NTRK2: variants seen among roughly 807,000 people sequenced by gnomAD.
The protein encoded by NTRK2 is BDNF/NT-3 growth factors receptor.
In NTRK2, 13 loss-of-function variants were observed where a neutral mutation model predicts 94.5. The observed-to-expected ratio is 0.14, with a 90% CI of 0.09 to 0.22. The LOEUF is 0.22. NTRK2 is among the 10% of genes least tolerant of loss of function. The pLI, the probability that NTRK2 is intolerant of heterozygous loss-of-function variation, is 1.00. For missense variants in NTRK2, 639 were observed against 1,071.2 expected (o/e 0.60, Z 5.63); for synonymous variants, 372 against 407.4 (o/e 0.91, Z 1.05).
chr9:84,787,963 A>G (rs2068295105), intron 12 of NTRK2, among the ~76,000 whole-genome samples: 1 of 152,128 alleles, frequency 6.6e-6, no homozygotes, highest in Non-Finnish European at 1.5e-5. Context: ...TCAGTTTCGC[A>G]CCTCTAAAAG....
intron 14 of NTRK2, among the ~76,000 whole-genome samples, chr9:84,894,168 GAATATATTTTTATAA>G (rs1279025052): frequency 0.05 from 7,523 of 150,448 alleles, 444 homozygotes; most frequent in East Asian, 0.18. Context: ...CTATTTGGGA[GAATATATTTTTATAA>G]CACATTGAAT....
intron 17 of NTRK2, among the ~76,000 whole-genome samples, chr9:85,010,084 A>G (rs1831395907): frequency 6.6e-6 from 1 of 152,240 alleles, no homozygotes; most frequent in African/African-American, 2.4e-5. Context: ...GCAGGACAGC[A>G]GTCATCACCA....
intron 17 of NTRK2, among the ~76,000 whole-genome samples, chr9:84,962,087 C>T (rs1208382528): frequency 1.3e-5 from 2 of 152,106 alleles, no homozygotes; most frequent in African/African-American, 4.8e-5. Flanking sequence ...TGGACTTGAT[C>T]CTTTGGCAGT....
At chr9:84,833,197 A>T (rs888623678) in intron 12 of NTRK2, among the ~76,000 whole-genome samples, 1 of 152,116 alleles carries the variant, frequency 6.6e-6, no homozygotes, top group East Asian at 1.9e-4. Flanking sequence ...TCTGACAGCC[A>T]TTGTTCTGTG....
At chr9:84,789,942 T>C (rs1303183575) in intron 12 of NTRK2, among the ~76,000 whole-genome samples, 1 of 152,192 alleles carries the variant, frequency 6.6e-6, no homozygotes, top group Non-Finnish European at 1.5e-5. Context: ...GGGCAATACA[T>C]TTGCCTTTTA....
chr9:84,766,775 A>G (rs2066071992), intron 12 of NTRK2, among the ~76,000 whole-genome samples: 1 of 152,034 alleles, frequency 6.6e-6, no homozygotes, highest in Non-Finnish European at 1.5e-5. Flanking sequence ...CATTCAACAC[A>G]CAGATACATA....
chr9:84,856,904 G>T (rs541823576), intron 12 of NTRK2, among the ~76,000 whole-genome samples: 24 of 152,246 alleles, frequency 1.6e-4, no homozygotes, highest in East Asian at 1.2e-3. Context: ...AAAATATCCA[G>T]AAGCTGTTCT....
chr9:84,752,602 A>G (rs1234748827), intron 12 of NTRK2, among the ~76,000 whole-genome samples: 2 of 152,230 alleles, frequency 1.3e-5, no homozygotes, highest in East Asian at 1.9e-4. Context: ...TCGTGAATAC[A>G]TAGCTTTTTT....
intron 14 of NTRK2, among the ~76,000 whole-genome samples, chr9:84,894,029 G>T (rs183923671): frequency 6.6e-6 from 1 of 152,078 alleles, no homozygotes; most frequent in East Asian, 1.9e-4. Flanking sequence ...AATCCGGGGG[G>T]CGCGGACTGA....
intron 17 of NTRK2, among the ~76,000 whole-genome samples, chr9:85,015,384 AACAG>A (rs778437792): frequency 6.6e-6 from 1 of 152,230 alleles, no homozygotes; most frequent in Non-Finnish European, 1.5e-5. Context: ...TGTAGCATCA[AACAG>A]ATGAGACTGT....
intron 6 of NTRK2, among the ~76,000 whole-genome samples, chr9:84,722,250 G>C (rs976984792): frequency 1.2e-4 from 18 of 149,582 alleles, no homozygotes; most frequent in African/African-American, 4.0e-4. Flanking sequence ...AGTTTGGAAG[G>C]GGGGGTCTCA....
In NTRK2 at chr9:84,707,854, C is replaced by G. The variant is rs1229434307; in HGVS notation, c.370C>G (p.Arg124Gly). 8 of 1,612,208 alleles carry G rather than the reference C, an allele frequency of 5.0e-6. No homozygotes were observed. Among genetic ancestry groups the G allele is most frequent in the Non-Finnish European group, 5.9e-6 (7 of 1,178,844 alleles). Residue 124 changes from arginine (R) to glycine (G), a missense_variant, in exon 5 of 19, where the codon CGA becomes GGA. This residue lies in a region of NTRK2 where 206 missense variants were observed against 251.5 expected (regional missense o/e 0.82). Coordinates refer to ENST00000277120, the MANE Select transcript of NTRK2 (RefSeq NM_006180.6). Reference protein sequence around the residue: ...NSNLQHINFTRNKLTSLSRKH... With the variant: ...NSNLQHINFTGNKLTSLSRKH... ...TTTGATTCCTTTCAGCAATTTTACC[C>G]GAAACAAACTGACGAGTTTGTCTAG...
chr9:84,856,831 A>G (rs1252262767), intron 12 of NTRK2, among the ~76,000 whole-genome samples: 2 of 152,212 alleles, frequency 1.3e-5, no homozygotes, highest in African/African-American at 2.4e-5. Flanking sequence ...TAATTTCTTC[A>G]GCGTTAAAAG....
intron 17 of NTRK2, among the ~76,000 whole-genome samples, chr9:84,958,164 A>G (rs78971890): frequency 0.01 from 1,580 of 152,278 alleles, 21 homozygotes; most frequent in Non-Finnish European, 0.018. Context: ...CTAGAACTAT[A>G]TACAGTGGTG....
intron 12 of NTRK2, among the ~76,000 whole-genome samples, chr9:84,795,374 C>T (rs2069187750): frequency 6.6e-6 from 1 of 152,152 alleles, no homozygotes; most frequent in African/African-American, 2.4e-5. Context: ...CAGTCTTGGC[C>T]ACGTCTGTGC....
At chr9:84,730,782 G>GAAAAAAAA (rs1564145193) in intron 9 of NTRK2, among the ~76,000 whole-genome samples, 5 of 4,750 alleles carry the variant, frequency 1.1e-3, no homozygotes, top group Non-Finnish European at 1.4e-3. Flanking sequence ...TAAACAAATA[G>GAAAAAAAA]CAAAAAAAAA....
At chr9:84,724,410 T>C in intron 8 of NTRK2, 54 bp downstream of exon 8, 1 of 1,610,926 alleles carries the variant, frequency 6.2e-7, no homozygotes, top group Non-Finnish European at 8.5e-7. Context: ...TGGACGTACC[T>C]ACGTTTGTTG....
intron 2 of NTRK2, among the ~76,000 whole-genome samples, chr9:84,682,323 C>T (rs1197417302): frequency 6.6e-6 from 1 of 152,122 alleles, no homozygotes; most frequent in African/African-American, 2.4e-5. Flanking sequence ...TGGAATTTAG[C>T]TGGTAATTAT....
intron 14 of NTRK2, chr9:84,876,976 C>G: frequency 9.4e-7 from 1 of 1,060,954 alleles, no homozygotes; most frequent in African/African-American, 1.6e-5. Context: ...GGAAAACACT[C>G]ATTTTCTTAG....
Sources: gnomAD v4.1 joint callset for allele counts (sites outside exome capture counted in the v4.1 genomes callset) on GRCh38, gnomAD v4.1.1 for gene constraint, gnomAD v4.1.1 regional missense constraint, MANE v1.5 for transcripts, NCBI Gene and HGNC (gene_info 2026-07-23, HGNC 2026-07-21) for gene names.